The following HEATR3 variants were observed in gnomAD, a reference collection of about 807,000 sequenced individuals.
The protein encoded by HEATR3 is HEAT repeat-containing protein 3.
HEATR3 carries 56 observed loss-of-function variants against 72.8 expected under a neutral mutation model. The observed-to-expected ratio is 0.77, with a 90% CI of 0.62 to 0.96. The LOEUF (loss-of-function observed/expected upper bound fraction) is 0.96. Ranked by LOEUF, HEATR3 falls within the 40% of genes least tolerant of loss-of-function variation. The pLI, the probability that HEATR3 is intolerant of heterozygous loss-of-function variation, is 0.00. For synonymous variants in HEATR3, 331 were observed against 318.1 expected (o/e 1.04, Z -0.43); for missense variants, 747 against 831.4 (o/e 0.90, Z 1.25).
Position 50,065,981 on chromosome 16 carries a change from CGTGCG to C in HEATR3, c.-150_-146del. 5.5e-6 allele frequency: 3 copies of C among 547,530 alleles called. No individual in the cohort carries two copies. The highest frequency in any genetic ancestry group is 3.5e-5 in the South Asian group (1 of 28,780). 33.9% of individuals were successfully genotyped at this position (547,530 alleles called of 1,614,324 possible). On this transcript the variant is annotated 5_prime_UTR_variant, in exon 1 of 15. Coordinates refer to ENST00000299192, the MANE Select transcript of HEATR3 (RefSeq NM_182922.4). ...AACCCCGACCCGGCAGACGACGCGCCGTGCGCCTGCGCACGGCTTGCCCATGTGTG... is the reference window on the plus strand; with the variant it reads ...AACCCCGACCCGGCAGACGACGCGCCCCTGCGCACGGCTTGCCCATGTGTG...
At chr16:50,100,162 G>T in intron 12 of HEATR3, 68 bp from the exon 13 acceptor site, 9 of 1,492,568 alleles carry the variant, frequency 6.0e-6, no homozygotes, top group South Asian at 1.2e-5. Flanking sequence ...CTGTCAGTCC[G>T]GTTTTCACAT....
chr16:50,084,349 T>TTCATTTTGTGTACAAAA (rs1452250471), intron 9 of HEATR3, 58 bp downstream of exon 9: 18 of 1,558,084 alleles, frequency 1.2e-5, no homozygotes, highest in Non-Finnish European at 1.6e-5. Context: ...AAGCAAGGTA[T>TTCATTTTGTGTACAAAA]TCATTTTGTG....
At chr16:50,072,791 T>C (rs1178792497) in intron 5 of HEATR3, 77 bp downstream of exon 5, 4 of 861,594 alleles carry the variant, frequency 4.6e-6, no homozygotes, top group Non-Finnish European at 7.9e-6. Context: ...TTGGCGTGTT[T>C]ATTCCACTGG....
In HEATR3 at chr16:50,065,973, C is replaced by T. The variant is rs1372710141; in HGVS notation, c.-159C>T. ...CCCGCCCCAACCCCGACCCGGCAGA[C>T]GACGCGCCGTGCGCCTGCGCACGGC... On this transcript the variant is annotated 5_prime_UTR_variant, in exon 1 of 15. In the 5' UTR this introduces an upstream ATG that the reference lacks. Coordinates refer to ENST00000299192, the MANE Select transcript of HEATR3 (RefSeq NM_182922.4). 2 of 305,608 alleles carry T rather than the reference C, an allele frequency of 6.5e-6. No homozygotes were observed. Among genetic ancestry groups the T allele is most frequent in the Non-Finnish European group, 1.1e-5 (2 of 174,822 alleles). 18.9% of individuals were successfully genotyped at this position (305,608 alleles called of 1,614,324 possible).
chr16:50,095,301 T>C (rs900492629), intron 12 of HEATR3, among the ~76,000 whole-genome samples: 5 of 151,738 alleles, frequency 3.3e-5, no homozygotes, highest in Non-Finnish European at 7.4e-5. Flanking sequence ...AGAGACGGGG[T>C]TTTGCCGTGT....
chr16:50,103,797 G>A (rs963015137), intron 14 of HEATR3, among the ~76,000 whole-genome samples: 1 of 152,160 alleles, frequency 6.6e-6, no homozygotes, highest in East Asian at 1.9e-4. Context: ...AGCCCCAGGT[G>A]GGAGGATCAC....
At chr16:50,076,481 C>T (rs1231859037) in intron 6 of HEATR3, among the ~76,000 whole-genome samples, 1 of 152,126 alleles carries the variant, frequency 6.6e-6, no homozygotes, top group Non-Finnish European at 1.5e-5. Flanking sequence ...AGCCACTGCG[C>T]CTGGCCTGTT....
intron 12 of HEATR3, among the ~76,000 whole-genome samples, chr16:50,098,888 T>C (rs1296728661): frequency 6.6e-6 from 1 of 152,118 alleles, no homozygotes; most frequent in African/African-American, 2.4e-5. Context: ...GGAATGTACT[T>C]AATAGTATCA....
chr16:50,066,280 G>T lies in HEATR3; in HGVS notation c.138+11G>T. 6.3e-7 allele frequency: 1 copy of T among 1,574,968 alleles called. No individual in the cohort carries two copies. The highest frequency in any genetic ancestry group is 8.6e-7 in the Non-Finnish European group (1 of 1,165,028). On this transcript the variant is annotated intron_variant, in intron 1 of 14. Coordinates refer to ENST00000299192, the MANE Select transcript of HEATR3 (RefSeq NM_182922.4). The stretch of plus-strand genomic sequence containing the variant: ...GAGCTGCTGGAAAAGGTGAGGCGAG[G>T]GCTCCGTCGGGCCGGGAGGCGAGAC...
intron 6 of HEATR3, among the ~76,000 whole-genome samples, chr16:50,076,655 A>T (rs1411730241): frequency 1.3e-5 from 2 of 151,354 alleles, no homozygotes; most frequent in African/African-American, 2.4e-5. Flanking sequence ...TTCCCATCTC[A>T]GCCTCCCAAG....
At chr16:50,068,135 G>C (rs2036538347) in intron 2 of HEATR3, among the ~76,000 whole-genome samples, 1 of 152,078 alleles carries the variant, frequency 6.6e-6, no homozygotes, top group African/African-American at 2.4e-5. Flanking sequence ...CAGAGGCTGG[G>C]GGATCCTGGC....
chr16:50,089,527 C>T (rs2037062816), intron 11 of HEATR3, among the ~76,000 whole-genome samples: 1 of 152,094 alleles, frequency 6.6e-6, no homozygotes, highest in Non-Finnish European at 1.5e-5. Flanking sequence ...CTTCGTATCA[C>T]CTAATATTGG....
intron 9 of HEATR3, 99 bp downstream of exon 9, chr16:50,084,390 T>C: frequency 2.1e-6 from 3 of 1,404,018 alleles, no homozygotes; most frequent in South Asian, 1.3e-5. Flanking sequence ...ACTTCCAGGT[T>C]GTAGATGGTG....
intron 7 of HEATR3, among the ~76,000 whole-genome samples, chr16:50,083,093 CA>C (rs1448992360): frequency 4.6e-5 from 7 of 152,118 alleles, no homozygotes; most frequent in African/African-American, 1.7e-4. Flanking sequence ...ATGAACGTGC[CA>C]CTGCACTCCA....
At chr16:50,086,100 C>A in intron 10 of HEATR3, 115 bp from the exon 11 acceptor site, 1 of 949,796 alleles carries the variant, frequency 1.1e-6, no homozygotes, top group Non-Finnish European at 1.5e-6. Context: ...GCCATAGATA[C>A]CTTGTATTTA....
rs575205491 is a variant in HEATR3 at position 50,107,113 on chromosome 16, ATAAT to A, written c.*2055_*2058del. Among the ~76,000 whole-genome samples the A allele has an allele frequency of 5.9e-5, 9 of 152,348 alleles. No homozygotes were observed. The highest frequency in any genetic ancestry group is 2.2e-4 in the African/African-American group (9 of 41,586). ...TCTCTGCCTCAATTATTTATAAAAT[ATAAT>A]TATTTTCAAGGAGAAAAAAGTTCCT... On this transcript the variant is annotated 3_prime_UTR_variant, in exon 15 of 15. Transcript: ENST00000299192.
intron 6 of HEATR3, among the ~76,000 whole-genome samples, chr16:50,076,427 A>G (rs2036729560): frequency 6.6e-6 from 1 of 152,038 alleles, no homozygotes; most frequent in African/African-American, 2.4e-5. Flanking sequence ...ACCTCAGGTG[A>G]TTTGCCCACC....
rs193081004 is a variant in HEATR3, at chr16:50,098,786, A to T, written c.1600-1444A>T. Among the ~76,000 whole-genome samples, 16 of 152,204 alleles carry T rather than the reference A, an allele frequency of 1.1e-4. No individual in the cohort carries two copies. In the East Asian group the frequency reaches 3.1e-3, roughly 29 times the overall value. ...TGTAGTAGTGACATTAAAAGACATT[A>T]AAATTATTTGCTATACAGTGATATT... is the stretch of plus-strand genomic sequence containing the variant. On this transcript the variant is annotated intron_variant, in intron 12 of 14. Transcript: ENST00000299192.
intron 13 of HEATR3, among the ~76,000 whole-genome samples, 158 bp from the exon 14 acceptor site, chr16:50,102,101 G>C (rs184219927): frequency 1.0e-3 from 158 of 152,010 alleles, no homozygotes; most frequent in Middle Eastern, 6.8e-3. Flanking sequence ...GCTTATACTT[G>C]GTATGTTTAT....
Sources: allele counts gnomAD v4.1 joint callset (sites outside exome capture counted in the v4.1 genomes callset), GRCh38; gene constraint gnomAD v4.1.1; transcripts MANE v1.5; gene names NCBI Gene and HGNC (gene_info 2026-07-23, HGNC 2026-07-21).